Variants in RREB1 observed in about 807,000 individuals in gnomAD.
RREB1 encodes ras responsive element binding protein 1.
RREB1 carries 27 observed loss-of-function variants against 117.8 expected under a neutral mutation model. That is an observed-to-expected ratio of 0.23 (90% CI 0.17 to 0.32). The LOEUF (loss-of-function observed/expected upper bound fraction) is 0.32. Among genes scored for constraint, RREB1 ranks in the 10% least tolerant of loss-of-function variants. The pLI is 1.00. For missense variants in RREB1, 2,577 were observed against 2,378.2 expected, an observed-to-expected ratio of 1.08 and a Z score of -1.74; for synonymous variants, 1,298 against 1,026.7, an observed-to-expected ratio of 1.26 and a Z score of -5.05.
At chr6:7,185,972 G>A (rs1765060199) in intron 4 of RREB1, among the ~76,000 whole-genome samples, 1 of 152,190 alleles carries the variant, frequency 6.6e-6, no homozygotes, top group Non-Finnish European at 1.5e-5. Context: ...TTGTCTATTA[G>A]TGGTTGTGAA....
intron 8 of RREB1, among the ~76,000 whole-genome samples, chr6:7,223,257 TAAAAAAAAA>T (rs59558597): frequency 2.1e-5 from 2 of 97,290 alleles, no homozygotes; most frequent in Non-Finnish European, 4.0e-5. Flanking sequence ...ACTCTCTTTT[TAAAAAAAAA>T]AAAAAAAAAA....
intron 1 of RREB1, among the ~76,000 whole-genome samples, chr6:7,124,243 G>A (rs1761810024): frequency 6.6e-6 from 1 of 152,196 alleles, no homozygotes; most frequent in Non-Finnish European, 1.5e-5. Flanking sequence ...GCCCTGGAGA[G>A]TAGATGCTGT....
chr6:7,160,037 TGA>T (rs1763571500), intron 1 of RREB1, among the ~76,000 whole-genome samples: 1 of 152,052 alleles, frequency 6.6e-6, no homozygotes, highest in African/African-American at 2.4e-5. Flanking sequence ...TGCCAGGCAC[TGA>T]GCTACAGACT....
intron 1 of RREB1, among the ~76,000 whole-genome samples, chr6:7,166,305 G>A (rs1409637277): frequency 6.6e-6 from 1 of 152,252 alleles, no homozygotes; most frequent in Non-Finnish European, 1.5e-5. Flanking sequence ...GGTTTGCTCA[G>A]TTTACTTTAA....
intron 2 of RREB1, among the ~76,000 whole-genome samples, chr6:7,178,684 C>T (rs1037910422): frequency 1.3e-5 from 2 of 152,072 alleles, no homozygotes; most frequent in African/African-American, 4.8e-5. Flanking sequence ...TTCTTTTTTT[C>T]AAACAGTGTA....
chr6:7,148,171 A>G (rs1379457850), intron 1 of RREB1, among the ~76,000 whole-genome samples: 6 of 152,172 alleles, frequency 3.9e-5, no homozygotes, highest in Non-Finnish European at 8.8e-5. Context: ...TCCTGGTACT[A>G]ACACTCCTAC....
intron 11 of RREB1, among the ~76,000 whole-genome samples, chr6:7,241,339 A>G (rs1414135973): frequency 6.6e-6 from 1 of 152,082 alleles, no homozygotes; most frequent in African/African-American, 2.4e-5. Context: ...GGGGTTCTCC[A>G]TCCTCACCCC....
At position 7,229,334 on chromosome 6, in the gene RREB1, T is replaced by C. The variant is rs1460583636; in HGVS notation, c.1235T>C (p.Leu412Pro). 3 of 1,614,076 alleles carry C rather than the reference T, an allele frequency of 1.9e-6. No individual in the cohort carries two copies. The highest frequency in any genetic ancestry group is 1.7e-6 in the Non-Finnish European group (2 of 1,180,044). Residue 412 changes from leucine (L) to proline (P), a missense_variant, in exon 10 of 13, where the codon CTG becomes CCG. By Grantham distance (98) the Leu-to-Pro change is moderately conservative (BLOSUM62 -3). Coordinates refer to ENST00000379938, the MANE Select transcript of RREB1 (RefSeq NM_001003699.4). The surrounding 1 kb of genome is among the most constrained non-coding windows in gnomAD (Gnocchi z 4.5). ...CCCGGCTGCACCAACCTGCTGAGCC[T>C]GTCACCTTTCGAAGCTGCTTCCCTA... ...QDPGCTNLLS[L>P]SPFEAASLGG...
chr6:7,188,126 C>T (rs1184927061), intron 5 of RREB1, among the ~76,000 whole-genome samples: 2 of 152,080 alleles, frequency 1.3e-5, no homozygotes, highest in African/African-American at 4.8e-5. Context: ...CAAGATTGCG[C>T]CACTGCACTG....
intron 1 of RREB1, among the ~76,000 whole-genome samples, chr6:7,153,443 CAA>C (rs1387037300): frequency 6.6e-6 from 1 of 151,556 alleles, no homozygotes. Flanking sequence ...CACACACACA[CAA>C]ATCCTCCAAT....
chr6:7,163,047 G>A (rs1479597807), intron 1 of RREB1, among the ~76,000 whole-genome samples: 2 of 152,110 alleles, frequency 1.3e-5, no homozygotes, highest in East Asian at 3.9e-4. Flanking sequence ...CATTAAAAGT[G>A]AATCTTGACT....
chr6:7,149,185 A>G (rs1763004443), intron 1 of RREB1, among the ~76,000 whole-genome samples: 1 of 152,180 alleles, frequency 6.6e-6, no homozygotes, highest in Non-Finnish European at 1.5e-5. Flanking sequence ...GGCCTCCCAA[A>G]GTGCTGGAAT....
chr6:7,239,618 T>C (rs141359679), intron 10 of RREB1, among the ~76,000 whole-genome samples: 3 of 152,236 alleles, frequency 2.0e-5, no homozygotes, highest in Non-Finnish European at 4.4e-5. Context: ...ATCTGTGCGT[T>C]TGGGATGGGT....
chr6:7,168,874 G>A (rs931911966), intron 1 of RREB1, among the ~76,000 whole-genome samples: 3 of 151,514 alleles, frequency 2.0e-5, no homozygotes, highest in African/African-American at 7.2e-5. Flanking sequence ...TCCTGGCTCC[G>A]CCCTTTAAGA....
At position 7,246,951 on chromosome 6, in the gene RREB1, C is replaced by T. The variant is rs566384921; in HGVS notation, c.4501C>T (p.Pro1501Ser). The change falls in exon 12 of 13, where the codon CCC becomes TCC. Residue 1501 changes from proline to serine, a missense_variant. Transcript: ENST00000379938. ...QPAPEQEEKP[P>S]ETPAEVVESA... ...CGCCCCTGAACAGGAGGAGAAGCCC[C>T]CCGAGACCCCGGCAGAGGTGGTGGA... The T allele has an allele frequency of 3.2e-6, 5 of 1,561,632 alleles. No individual in the cohort carries two copies. The East Asian group carries it at 1.2e-4, about 38-fold the overall frequency.
At chr6:7,193,914 G>T (rs1765537476) in intron 6 of RREB1, among the ~76,000 whole-genome samples, 1 of 152,106 alleles carries the variant, frequency 6.6e-6, no homozygotes, top group Admixed American at 6.5e-5. Flanking sequence ...CTGTATGTGA[G>T]AAATAATTGA....
At chr6:7,120,376 C>A (rs1761623997) in intron 1 of RREB1, among the ~76,000 whole-genome samples, 2 of 152,074 alleles carry the variant, frequency 1.3e-5, no homozygotes, top group Non-Finnish European at 2.9e-5. Context: ...ATCACTTGAA[C>A]CCAGGAGGTT....
At chr6:7,237,385 CTTT>C (rs200278722) in intron 10 of RREB1, among the ~76,000 whole-genome samples, 1 of 148,562 alleles carries the variant, frequency 6.7e-6, no homozygotes, top group Non-Finnish European at 1.5e-5. Flanking sequence ...CCGTGCCGGC[CTTT>C]TTTTTTTATT....
chr6:7,222,413 A>G lies in RREB1; in HGVS notation c.708-4054A>G, dbSNP rs149048988. Among the ~76,000 whole-genome samples, 350 of 152,202 alleles carry G rather than the reference A, an allele frequency of 2.3e-3. 1 individual carries two copies. Among genetic ancestry groups the G allele is most frequent in the African/African-American group, 7.4e-3 (307 of 41,508 alleles). ...GAAATAAGTTGTCCAAGGTCACGCA[A>G]TCTGAACTCCCTGATCCCCACCTGG... On this transcript the variant is annotated intron_variant, in intron 8 of 12. Coordinates refer to ENST00000379938, the MANE Select transcript of RREB1 (RefSeq NM_001003699.4).
Sources: gnomAD v4.1 joint callset for allele counts (sites outside exome capture counted in the v4.1 genomes callset) on GRCh38, gnomAD v4.1.1 for gene constraint, Gnocchi (gnomAD v3.1) non-coding constraint, MANE v1.5 for transcripts, NCBI Gene and HGNC (gene_info 2026-07-23, HGNC 2026-07-21) for gene names.